TBXAS1: variants seen among roughly 807,000 people sequenced by gnomAD.
TBXAS1 encodes the protein thromboxane-A synthase.
A neutral mutation model predicts 60.7 loss-of-function variants in TBXAS1; 48 were observed. That is an observed-to-expected ratio of 0.79 (90% CI 0.63 to 1.01). The LOEUF (loss-of-function observed/expected upper bound fraction) is 1.01, where lower values mean the gene tolerates loss of function less well. TBXAS1 is among the 50% of genes least tolerant of loss of function. The pLI is 0.00. For missense variants in TBXAS1, 685 were observed against 686.3 expected (o/e 1.00, Z 0.02); for synonymous variants, 287 against 269.7 (o/e 1.06, Z -0.63).
intron 4 of TBXAS1, among the ~76,000 whole-genome samples, chr7:139,920,273 A>G (rs1204297105): frequency 6.6e-6 from 1 of 152,166 alleles, no homozygotes; most frequent in Non-Finnish European, 1.5e-5. Context: ...GCCAGCACTA[A>G]TCTAGCCTTT....
chr7:139,951,055 TCTAC>T (rs1483768246), intron 5 of TBXAS1, among the ~76,000 whole-genome samples: 2 of 152,162 alleles, frequency 1.3e-5, no homozygotes, highest in Non-Finnish European at 2.9e-5. Context: ...GCTGTCCCAC[TCTAC>T]CAGGTGTCTC....
intron 1 of TBXAS1, among the ~76,000 whole-genome samples, chr7:139,857,084 C>G (rs914330958): frequency 6.6e-6 from 1 of 152,132 alleles, no homozygotes; most frequent in Non-Finnish European, 1.5e-5. Context: ...AAGAGATGGT[C>G]CATTCAGTCA....
In TBXAS1 at chr7:140,013,157, G is replaced by GAAGGGAATACAA. The variant is rs1814751290; in HGVS notation, c.1227-2566_1227-2565insAAGGGAATACAA. Among the ~76,000 whole-genome samples, 1 of 152,150 alleles carries GAAGGGAATACAA rather than the reference G, an allele frequency of 6.6e-6. No individual in the cohort carries two copies. Among genetic ancestry groups the GAAGGGAATACAA allele is most frequent in the Non-Finnish European group, 1.5e-5 (1 of 68,032 alleles). On this transcript the variant is annotated intron_variant, in intron 10 of 12. Coordinates refer to ENST00000448866, the MANE Select transcript of TBXAS1 (RefSeq NM_001061.7). This position sits in a 1 kb window ranked among gnomAD's most constrained non-coding sequence, Gnocchi z 4.2. ...TTTAGGAATGAGTGAATACAGGTAG[G>GAAGGGAATACAA]TGAGTTGAAGGGAGTTCTGACAGGT...
intron 4 of TBXAS1, among the ~76,000 whole-genome samples, chr7:139,807,179 C>T (rs1797899178): frequency 6.6e-6 from 1 of 152,184 alleles, no homozygotes; most frequent in African/African-American, 2.4e-5. Flanking sequence ...CAGAGGTCAT[C>T]AGGGATTTGA....
At chr7:139,944,779 T>C (rs1480028863) in intron 5 of TBXAS1, among the ~76,000 whole-genome samples, 9 of 152,200 alleles carry the variant, frequency 5.9e-5, no homozygotes, top group Admixed American at 1.3e-4. Context: ...GGCTTATCTC[T>C]GTTTAGATGG....
chr7:139,960,429 A>G (rs1810236540), intron 8 of TBXAS1, among the ~76,000 whole-genome samples: 1 of 152,158 alleles, frequency 6.6e-6, no homozygotes, highest in South Asian at 2.1e-4. Context: ...CCTGCCCTGG[A>G]GTTGCTTATA....
At chr7:139,990,888 C>T (rs1812842741) in intron 9 of TBXAS1, among the ~76,000 whole-genome samples, 1 of 152,190 alleles carries the variant, frequency 6.6e-6, no homozygotes, top group South Asian at 2.1e-4. Context: ...CAGTGTGTCC[C>T]CACCTTCAGG....
intron 4 of TBXAS1, among the ~76,000 whole-genome samples, chr7:139,933,259 C>CA (rs1413624920): frequency 1.3e-5 from 2 of 151,972 alleles, no homozygotes; most frequent in Non-Finnish European, 2.9e-5. Flanking sequence ...AGGTGCAAGA[C>CA]AAAAAATAGT....
intron 3 of TBXAS1, among the ~76,000 whole-genome samples, chr7:139,784,187 TTTCTTTCC>T (rs1797103488): frequency 6.9e-6 from 1 of 144,980 alleles, no homozygotes. Flanking sequence ...TTTCTCTTTC[TTTCTTTCC>T]TTCTTTCGTT....
In TBXAS1 at chr7:139,898,413, CTTTTTTTTTTTTTTTTTTTT is replaced by C. The variant is rs71170921; in HGVS notation, c.237-12799_237-12780del. Reference sequence around the variant, plus strand: ...ATCAGAAGTTTCCCAACGTGCATGGCTTTTTTTTTTTTTTTTTTTTTTTTTTTTTTTTGAGACAGAGTCTT... The same window carrying C: ...ATCAGAAGTTTCCCAACGTGCATGGCTTTTTTTTTTTTGAGACAGAGTCTT... On this transcript the variant is annotated intron_variant, in intron 3 of 12. Transcript: ENST00000448866. Among the ~76,000 whole-genome samples, 471 of 82,272 alleles carry C rather than the reference CTTTTTTTTTTTTTTTTTTTT, an allele frequency of 5.7e-3. 6 individuals are homozygous for C. Among genetic ancestry groups the C allele is most frequent in the Non-Finnish European group, 6.2e-3 (277 of 44,798 alleles). The allele number at this position is 82,272 out of a possible 152,430, so 54.0% of individuals were successfully genotyped here. A position where few individuals can be genotyped will look rare whatever the true frequency, so the allele number is the denominator to read the frequency against.
At chr7:139,810,010 G>C (rs1226481346) in intron 4 of TBXAS1, among the ~76,000 whole-genome samples, 1 of 151,940 alleles carries the variant, frequency 6.6e-6, no homozygotes, top group Non-Finnish European at 1.5e-5. Flanking sequence ...TTAAGCCCAG[G>C]CTTGGTCATT....
intron 3 of TBXAS1, among the ~76,000 whole-genome samples, chr7:139,783,995 T>C (rs1295551832): frequency 1.4e-5 from 2 of 145,522 alleles, no homozygotes; most frequent in Non-Finnish European, 3.0e-5. Flanking sequence ...ACATGCATGC[T>C]TGTTTAGTTT....
At chr7:139,917,006 A>T (rs2117079833) in intron 4 of TBXAS1, among the ~76,000 whole-genome samples, 1 of 152,326 alleles carries the variant, frequency 6.6e-6, no homozygotes, top group Non-Finnish European at 1.5e-5. Flanking sequence ...AAATGAAGAC[A>T]CTCAGATGTT....
At position 139,970,892 on chromosome 7, in the gene TBXAS1, C is replaced by T. The variant is rs146563263; in HGVS notation, c.1134+8659C>T. ...ATCACATCCAACGGGACCCTCAGGC[C>T]AATCCTTTTAAGCAGGGGGCTCCAC... On this transcript the variant is annotated intron_variant, in intron 9 of 12. Transcript: ENST00000448866. Among the ~76,000 whole-genome samples the T allele has an allele frequency of 1.7e-3, 255 of 152,244 alleles. 1 individual carries two copies. Among genetic ancestry groups the T allele is most frequent in the Middle Eastern group, 0.01 (3 of 294 alleles).
chr7:139,899,381 C>G (rs1168143665), intron 3 of TBXAS1, among the ~76,000 whole-genome samples: 1 of 152,208 alleles, frequency 6.6e-6, no homozygotes, highest in Non-Finnish European at 1.5e-5. Flanking sequence ...CAAGGCCAGG[C>G]AGCCCCCAGG....
At chr7:139,868,652 ATTTTTTTTTT>A (rs71170918) in intron 1 of TBXAS1, among the ~76,000 whole-genome samples, 2 of 105,044 alleles carry the variant, frequency 1.9e-5, no homozygotes, top group Non-Finnish European at 3.9e-5. Context: ...CCTGGCTAAT[ATTTTTTTTTT>A]TTTTTTTTTT....
chr7:139,973,078 T>C (rs983852763), intron 9 of TBXAS1, among the ~76,000 whole-genome samples: 2 of 151,890 alleles, frequency 1.3e-5, no homozygotes, highest in Non-Finnish European at 2.9e-5. Context: ...GGAGTCCCTA[T>C]AGTCCTACAA....
intron 3 of TBXAS1, among the ~76,000 whole-genome samples, chr7:139,783,351 CAA>C (rs112605966): frequency 9.5e-5 from 13 of 136,798 alleles, no homozygotes; most frequent in African/African-American, 2.7e-4. Flanking sequence ...GGAAATATGG[CAA>C]AAAAAAAAAA....
intron 4 of TBXAS1, 138 bp downstream of exon 4, chr7:139,911,459 T>C: frequency 1.3e-6 from 1 of 784,840 alleles, no homozygotes; most frequent in Admixed American, 1.9e-5. Flanking sequence ...AGCTCCTCAG[T>C]GAACTCGGTT....
Sources: allele counts gnomAD v4.1 joint callset (sites outside exome capture counted in the v4.1 genomes callset), GRCh38; gene constraint gnomAD v4.1.1; non-coding constraint Gnocchi (gnomAD v3.1); transcripts MANE v1.5; gene names NCBI Gene and HGNC (gene_info 2026-07-23, HGNC 2026-07-21).